Variants in PSG4 observed in about 807,000 individuals in gnomAD.
The protein encoded by PSG4 is pregnancy specific beta-1-glycoprotein 4.
PSG4 carries 61 observed loss-of-function variants against 44.3 expected under a neutral mutation model. That is an observed-to-expected ratio of 1.38 (90% CI 1.12 to 1.70). The LOEUF (loss-of-function observed/expected upper bound fraction) is 1.70, where lower values mean the gene tolerates loss of function less well. Ranked by LOEUF, PSG4 falls within the 40% of genes most tolerant of loss-of-function variation. The probability of loss-of-function intolerance (pLI) is 0.00; values close to 1 mark genes in which losing one functional copy is unlikely to be tolerated. For synonymous variants in PSG4, 248 were observed against 191.3 expected, an observed-to-expected ratio of 1.30 and a Z score of -2.45; for missense variants, 677 against 511.7, an observed-to-expected ratio of 1.32 and a Z score of -3.12.
Position 43,198,241 on chromosome 19 carries a change from G to A in PSG4, c.465C>T (p.Asn155=). 1 of 1,587,276 alleles carries A rather than the reference G, an allele frequency of 6.3e-7. No homozygotes were observed. The highest frequency in any genetic ancestry group is 8.5e-7 in the Non-Finnish European group (1 of 1,171,726). ...ETPKPSISSS[N]LNPREAMEAV... is the part of the protein sequence containing the mutation. ...CCTCCATGGCCTCCCTGGGATTTAA[G>A]TTGCTGCTGGAGATGGAGGGCTTGG... Residue 155 remains asparagine (N), a synonymous_variant, in exon 3 of 6, where the codon AAC becomes AAT. Coordinates refer to ENST00000405312, the MANE Select transcript of PSG4 (RefSeq NM_002780.5).
At position 43,194,251 on chromosome 19, in the gene PSG4, G is replaced by A; in HGVS notation, c.1243+89C>T. The A allele has an allele frequency of 4.4e-6, 7 of 1,604,440 alleles. No homozygotes were observed. The South Asian group carries it at 5.6e-5, about 13-fold the overall frequency. On this transcript the variant is annotated intron_variant, in intron 5 of 5. Transcript: ENST00000405312. ...TGCTTGTGCCCATGGGACACAGGCT[G>A]GGAATAAAAATGTTTTCCTCACTCT...
chr19:43,197,154 A>G lies in PSG4; in HGVS notation c.709+843T>C, dbSNP rs948089930. Among the ~76,000 whole-genome samples, 23 of 145,750 alleles carry G rather than the reference A, an allele frequency of 1.6e-4. 4 individuals carry two copies. Among genetic ancestry groups the G allele is most frequent in the Non-Finnish European group, 3.1e-4 (21 of 67,232 alleles). On this transcript the variant is annotated intron_variant, in intron 3 of 5. Transcript: ENST00000405312. ...TTCAGATTGTTCATTGTTAGTGTATAGTCTAAAGAATGACCTAGAAAGAGT... is the reference window on the plus strand; with the variant it reads ...TTCAGATTGTTCATTGTTAGTGTATGGTCTAAAGAATGACCTAGAAAGAGT...
chr19:43,199,433 C>T (rs1967407109), intron 2 of PSG4, among the ~76,000 whole-genome samples: 1 of 145,530 alleles, frequency 6.9e-6, no homozygotes. Context: ...TAAAGTGCTC[C>T]TTATGCAGAA....
chr19:43,197,870 T>G (rs1967319444), intron 3 of PSG4, 127 bp downstream of exon 3: 1 of 1,560,762 alleles, frequency 6.4e-7, no homozygotes, highest in Non-Finnish European at 8.6e-7. Flanking sequence ...CAGAAAGTCA[T>G]GGCCAGCTTT....
At chr19:43,194,941 G>A in intron 4 of PSG4, 54 bp downstream of exon 4, 2 of 1,597,232 alleles carry the variant, frequency 1.3e-6, no homozygotes, top group Admixed American at 1.7e-5. Flanking sequence ...CTGGCCTCTG[G>A]TGGTTTGGAT....
chr19:43,205,111 CT>C lies in PSG4; in HGVS notation c.64+361del, dbSNP rs59165427. The stretch of plus-strand genomic sequence containing the variant: ...TTCTTTTTTCTTTTTTTCCTTTTTT[CT>C]TTTTTTTTTTTTTGAGACGGAGTCT... On this transcript the variant is annotated intron_variant, in intron 1 of 5. Transcript: ENST00000405312. Among the ~76,000 whole-genome samples, 60 of 90,814 alleles carry C rather than the reference CT, an allele frequency of 6.6e-4. 2 individuals are homozygous for C. Among genetic ancestry groups the C allele is most frequent in the Non-Finnish European group, 8.7e-4 (45 of 51,586 alleles). 59.6% of individuals were successfully genotyped at this position (90,814 alleles called of 152,430 possible).
chr19:43,205,104 C>CTTTTCTCTTTTTTT (rs1254623047), intron 1 of PSG4, among the ~76,000 whole-genome samples: 2 of 54,062 alleles, frequency 3.7e-5, no homozygotes, highest in African/African-American at 2.0e-4. Context: ...TCTTTTTTTC[C>CTTTTCTCTTTTTTT]TTTTTTCTTT....
Position 43,204,129 on chromosome 19 carries a change from C to G in PSG4, c.187G>C (p.Ala63Pro), listed in dbSNP as rs775338003. 1.1e-5 allele frequency: 18 copies of G among 1,587,402 alleles called. 5 individuals are homozygous for G. Among genetic ancestry groups the G allele is most frequent in the Middle Eastern group, 3.3e-4 (2 of 5,972 alleles). Residue 63 changes from alanine to proline, a missense_variant, in exon 2 of 6, where the codon GCT becomes CCT. Coordinates refer to ENST00000405312, the MANE Select transcript of PSG4 (RefSeq NM_002780.5). ...TGCCCTTTGTACCAAATGTAGCCAG[C>G]AAGATTCTGGGGCAAATTGTGGACA... ...LLVHNLPQNL[A>P]GYIWYKGQMT...
intron 3 of PSG4, among the ~76,000 whole-genome samples, chr19:43,196,131 G>A (rs1360485872): frequency 6.6e-6 from 1 of 151,720 alleles, no homozygotes; most frequent in African/African-American, 2.4e-5. Flanking sequence ...ATGAACTGCT[G>A]GAAATCTGGT....
At chr19:43,203,795 A>C in intron 2 of PSG4, 91 bp downstream of exon 2, 8 of 1,537,264 alleles carry the variant, frequency 5.2e-6, no homozygotes, top group Non-Finnish European at 7.0e-6. Context: ...AGAGAGGGAC[A>C]CAGGCAGAGT....
chr19:43,205,570 G>T lies in PSG4; in HGVS notation c.-34C>A, dbSNP rs564632463. 2.6e-6 allele frequency: 4 copies of T among 1,525,484 alleles called. No homozygotes were observed. The highest frequency in any genetic ancestry group is 3.5e-6 in the Non-Finnish European group (4 of 1,133,890). 94.5% of individuals were successfully genotyped at this position (1,525,484 alleles called of 1,614,324 possible). A position where few individuals can be genotyped will look rare whatever the true frequency, so the allele number is the denominator to read the frequency against. On this transcript the variant is annotated 5_prime_UTR_variant, in exon 1 of 6. Coordinates refer to ENST00000405312, the MANE Select transcript of PSG4 (RefSeq NM_002780.5). ...CTGCTTGTGTGTTCTCCTCTGTGGA[G>T]ATAAGCCTAGGATCCAGAAGCTTCC...
intron 3 of PSG4, 111 bp downstream of exon 3, chr19:43,197,886 C>T: frequency 3.8e-6 from 6 of 1,574,244 alleles, no homozygotes; most frequent in Non-Finnish European, 5.1e-6. Flanking sequence ...GCTTTGATGT[C>T]TAGGGGTAAA....
At chr19:43,202,501 G>A (rs1967560318) in intron 2 of PSG4, among the ~76,000 whole-genome samples, 3 of 144,620 alleles carry the variant, frequency 2.1e-5, no homozygotes, top group African/African-American at 8.0e-5. Flanking sequence ...AGAGGTTTTG[G>A]ATCATTCATT....
At chr19:43,202,146 G>A (rs1485648650) in intron 2 of PSG4, among the ~76,000 whole-genome samples, 6 of 146,182 alleles carry the variant, frequency 4.1e-5, no homozygotes, top group Admixed American at 2.0e-4. Flanking sequence ...AGGCCTAGGG[G>A]TGGGGGAAGA....
intron 1 of PSG4, among the ~76,000 whole-genome samples, chr19:43,205,111 C>CTTTTTTCTTT (rs1967717514): frequency 1.1e-5 from 1 of 90,852 alleles, no homozygotes; most frequent in African/African-American, 5.2e-5. Context: ...TTCCTTTTTT[C>CTTTTTTCTTT]TTTTTTTTTT....
intron 1 of PSG4, chr19:43,204,932 CA>C: frequency 3.2e-6 from 1 of 308,830 alleles, no homozygotes; most frequent in South Asian, 2.8e-5. Flanking sequence ...TATCATTTTT[CA>C]AAATATGGTG....
chr19:43,201,968 G>C (rs1362490377), intron 2 of PSG4, among the ~76,000 whole-genome samples: 1 of 144,352 alleles, frequency 6.9e-6, no homozygotes, highest in Non-Finnish European at 1.5e-5. Flanking sequence ...TACAGTAGAA[G>C]CTCATTCTCT....
In PSG4 at chr19:43,203,530, G is replaced by A. The variant is rs899130547; in HGVS notation, c.430+356C>T. The A allele has an allele frequency of 2.3e-5, 6 of 258,110 alleles. 1 individual carries two copies. The highest frequency in any genetic ancestry group is 9.7e-5 in the African/African-American group (4 of 41,288). The allele number at this position is 258,110 out of a possible 1,614,324, so 16.0% of individuals were successfully genotyped here. A position where few individuals can be genotyped will look rare whatever the true frequency, so the allele number is the denominator to read the frequency against. On this transcript the variant is annotated intron_variant, in intron 2 of 5. Transcript: ENST00000405312. ...GGCTTCTAGGGCTGAGCTGCTCTGA[G>A]AGTATCTCAGGGGGCCCCTCAGGCC...
intron 2 of PSG4, among the ~76,000 whole-genome samples, chr19:43,201,305 C>A (rs1967499962): frequency 6.9e-6 from 1 of 145,562 alleles, no homozygotes; most frequent in South Asian, 2.2e-4. Flanking sequence ...CGGCCTTTGT[C>A]AAACTAGTGA....
Sources: allele counts gnomAD v4.1 joint callset (sites outside exome capture counted in the v4.1 genomes callset), GRCh38; gene constraint gnomAD v4.1.1; transcripts MANE v1.5; gene names NCBI Gene and HGNC (gene_info 2026-07-23, HGNC 2026-07-21).